The following PPP2R2C variants were observed in gnomAD, a reference collection of about 807,000 sequenced individuals.
PPP2R2C encodes the protein protein phosphatase 2 regulatory subunit Bgamma.
Under a neutral mutation model 45.3 loss-of-function variants are expected in PPP2R2C, and 10 were observed. That is an observed-to-expected ratio of 0.22 (90% confidence interval 0.14 to 0.37). The LOEUF (loss-of-function observed/expected upper bound fraction) is 0.37. Among genes scored for constraint, PPP2R2C ranks in the 10% least tolerant of loss-of-function variants. PPP2R2C has a pLI of 1.00. For synonymous variants in PPP2R2C, 257 were observed against 245.4 expected, an observed-to-expected ratio of 1.05 and a Z score of -0.44; for missense variants, 308 against 619.7, an observed-to-expected ratio of 0.50 and a Z score of 5.34.
At chr4:6,527,405 A>ACC (rs1014485706) in intron 2 of PPP2R2C, among the ~76,000 whole-genome samples, 1 of 151,614 alleles carries the variant, frequency 6.6e-6, no homozygotes, top group African/African-American at 2.4e-5. Flanking sequence ...GGAACAGAAC[A>ACC]CCCCTCTCTC....
intron 1 of PPP2R2C, among the ~76,000 whole-genome samples, chr4:6,458,490 G>A (rs1320862964): frequency 6.6e-6 from 1 of 152,048 alleles, no homozygotes; most frequent in East Asian, 1.9e-4. Flanking sequence ...ACCCATGAGG[G>A]CTCCACCCTC....
At chr4:6,358,104 AC>A (rs1270261942) in intron 5 of PPP2R2C, among the ~76,000 whole-genome samples, 1 of 152,208 alleles carries the variant, frequency 6.6e-6, no homozygotes, top group Non-Finnish European at 1.5e-5. Flanking sequence ...AGCTACAGTA[AC>A]CAAAACAGCA....
chr4:6,428,411 CT>C (rs1719447832), intron 1 of PPP2R2C, among the ~76,000 whole-genome samples: 1 of 152,230 alleles, frequency 6.6e-6, no homozygotes, highest in Non-Finnish European at 1.5e-5. Context: ...AAGCTGATTG[CT>C]GGTGACTGTG....
At chr4:6,560,141 G>A (rs1048273847) in intron 1 of PPP2R2C, among the ~76,000 whole-genome samples, 2 of 152,224 alleles carry the variant, frequency 1.3e-5, no homozygotes, top group Admixed American at 1.3e-4. Context: ...CAAGGCAGGG[G>A]CAGGGGTGCC....
intron 2 of PPP2R2C, chr4:6,535,162 G>A (rs1213335315): frequency 4.7e-6 from 6 of 1,263,818 alleles, no homozygotes; most frequent in Non-Finnish European, 3.3e-6. Context: ...AGCACGGTGG[G>A]GTCGGCTTCC....
chr4:6,548,519 G>A (rs756602946), intron 1 of PPP2R2C, among the ~76,000 whole-genome samples: 1 of 152,226 alleles, frequency 6.6e-6, no homozygotes, highest in Non-Finnish European at 1.5e-5. Flanking sequence ...GTATTTGGAT[G>A]CTGAGTCAGT....
intron 5 of PPP2R2C, among the ~76,000 whole-genome samples, chr4:6,355,438 C>A (rs1356890919): frequency 6.6e-6 from 1 of 151,332 alleles, no homozygotes; most frequent in Non-Finnish European, 1.5e-5. Flanking sequence ...TTAGTGGGTG[C>A]AGCACACCAG....
Position 6,366,371 on chromosome 4 carries a change from G to C in PPP2R2C, c.625+6152C>G, listed in dbSNP as rs554433810. On this transcript the variant is annotated intron_variant, in intron 5 of 8. Transcript: ENST00000382599. ...CCCCAGGCGCCCAGATCAAAAAGGA[G>C]GTGTCTGTATCCTAAGACCACATGG... Among the ~76,000 whole-genome samples, 3 of 152,308 alleles carry C rather than the reference G, an allele frequency of 2.0e-5. No homozygotes were observed. The East Asian group carries it at 5.8e-4, about 29-fold the overall frequency.
intron 2 of PPP2R2C, 142 bp downstream of exon 2, chr4:6,380,855 G>T: frequency 7.7e-7 from 1 of 1,297,188 alleles, no homozygotes; most frequent in Non-Finnish European, 1.0e-6. Context: ...AAGCCCTCTT[G>T]TGGGTTGGAG....
In PPP2R2C at chr4:6,554,121, A is replaced by C. The variant is rs188246926; in HGVS notation, c.-59+9439T>G. Among the ~76,000 whole-genome samples the C allele has an allele frequency of 3.3e-5, 5 of 152,196 alleles. 1 individual carries two copies. ...AATTCACATTGAAGTCCAAACCCACAATACCTCAGCATGTGACCTTATTTG... is the reference window on the plus strand; with the variant it reads ...AATTCACATTGAAGTCCAAACCCACCATACCTCAGCATGTGACCTTATTTG... On this transcript the variant is annotated intron_variant, in intron 1 of 9. Coordinates refer to the PPP2R2C transcript ENST00000506140.
At chr4:6,341,493 G>A (rs893102985) in intron 6 of PPP2R2C, among the ~76,000 whole-genome samples, 2 of 152,126 alleles carry the variant, frequency 1.3e-5, no homozygotes, top group East Asian at 3.9e-4. Flanking sequence ...TGTGACCTTG[G>A]GCAAATGTCT....
chr4:6,324,631 A>G lies in PPP2R2C; in HGVS notation c.1053-1038T>C, dbSNP rs936198890. Reference sequence around the variant, plus strand: ...GACTCGGGCGAATAAACAAACATGCATCGCCATGAGGGTCGGGGCGAGCAG... The same window carrying G: ...GACTCGGGCGAATAAACAAACATGCGTCGCCATGAGGGTCGGGGCGAGCAG... On this transcript the variant is annotated intron_variant, in intron 8 of 8. Transcript: ENST00000382599. The surrounding 1 kb of genome is among the most constrained non-coding windows in gnomAD (Gnocchi z 4.1). 3.9e-5 allele frequency among the ~76,000 whole-genome samples: 6 copies of G among 152,164 alleles called. No individual in the cohort carries two copies. The highest frequency in any genetic ancestry group is 5.9e-5 in the Non-Finnish European group (4 of 68,024).
Position 6,324,480 on chromosome 4 carries a change from A to G in PPP2R2C, c.1053-887T>C. On this transcript the variant is annotated intron_variant, in intron 8 of 8. Coordinates refer to ENST00000382599, the MANE Select transcript of PPP2R2C (RefSeq NM_020416.4). This position sits in a 1 kb window ranked among gnomAD's most constrained non-coding sequence, Gnocchi z 4.1. ...AAAAGACCCTCCTGTAATTTCTGTT[A>G]GTCCAGGAGAGAAAGCTCTGGCCTT... 6.6e-6 allele frequency among the ~76,000 whole-genome samples: 1 copy of G among 152,238 alleles called. No homozygotes were observed. The highest frequency in any genetic ancestry group is 1.9e-4 in the East Asian group (1 of 5,200).
At chr4:6,488,751 G>A (rs955751073) in intron 2 of PPP2R2C, among the ~76,000 whole-genome samples, 5 of 151,882 alleles carry the variant, frequency 3.3e-5, no homozygotes, top group African/African-American at 1.2e-4. Context: ...AAGGATGCTT[G>A]CAGAAATTAT....
chr4:6,459,435 G>T (rs1230110568), intron 1 of PPP2R2C, among the ~76,000 whole-genome samples: 1 of 152,116 alleles, frequency 6.6e-6, no homozygotes, highest in Non-Finnish European at 1.5e-5. Context: ...TGTGGAATGG[G>T]AGATCCATGC....
chr4:6,378,310 T>C lies in PPP2R2C; in HGVS notation c.334+97A>G, dbSNP rs1201460719. 5.1e-6 allele frequency: 8 copies of C among 1,577,980 alleles called. No individual in the cohort carries two copies. In the South Asian group the frequency reaches 6.9e-5, roughly 14 times the overall value. On this transcript the variant is annotated intron_variant, in intron 3 of 8. Coordinates refer to ENST00000382599, the MANE Select transcript of PPP2R2C (RefSeq NM_020416.4). This position sits in a 1 kb window ranked among gnomAD's most constrained non-coding sequence, Gnocchi z 5.2. The stretch of plus-strand genomic sequence containing the variant: ...TTATTTTCTAGGCGTTCTGAAGACA[T>C]AGAAAAATGCTCACAATATAAGTGA...
intron 1 of PPP2R2C, among the ~76,000 whole-genome samples, chr4:6,449,671 G>C (rs139702268): frequency 6.6e-6 from 1 of 152,298 alleles, no homozygotes; most frequent in East Asian, 1.9e-4. Flanking sequence ...CAAGCACCAG[G>C]TCCCCCAGGC....
intron 2 of PPP2R2C, among the ~76,000 whole-genome samples, chr4:6,495,506 C>T (rs1296805691): frequency 6.6e-6 from 1 of 152,364 alleles, no homozygotes; most frequent in East Asian, 1.9e-4. Context: ...TGCCCGCCCC[C>T]ACACTCTATG....
chr4:6,454,313 C>A (rs1276828938), intron 1 of PPP2R2C, among the ~76,000 whole-genome samples: 2 of 152,180 alleles, frequency 1.3e-5, no homozygotes, highest in African/African-American at 4.8e-5. Context: ...TGCCCTTCAA[C>A]CTGGGCCGGC....
Sources: gnomAD v4.1 joint callset for allele counts (sites outside exome capture counted in the v4.1 genomes callset) on GRCh38, gnomAD v4.1.1 for gene constraint, Gnocchi (gnomAD v3.1) non-coding constraint, MANE v1.5 for transcripts, NCBI Gene and HGNC (gene_info 2026-07-23, HGNC 2026-07-21) for gene names.